The following ABHD12 variants were observed in gnomAD, a reference collection of about 807,000 sequenced individuals.
ABHD12 encodes lysophosphatidylserine lipase ABHD12.
ABHD12 carries 43 observed loss-of-function variants against 58.3 expected under a neutral mutation model. The ratio of observed to expected loss-of-function variants is 0.74; its 90% confidence interval spans 0.58 to 0.95. The LOEUF is 0.95. Ranked by LOEUF, ABHD12 falls within the 40% of genes least tolerant of loss-of-function variation. The pLI is 0.00. For synonymous variants in ABHD12, 219 were observed against 211.2 expected, an observed-to-expected ratio of 1.04 and a Z score of -0.32; for missense variants, 539 against 537.2, an observed-to-expected ratio of 1.00 and a Z score of -0.03.
chr20:25,341,395 C>T (rs1183005156), intron 1 of ABHD12, among the ~76,000 whole-genome samples: 2 of 152,214 alleles, frequency 1.3e-5, no homozygotes, highest in African/African-American at 4.8e-5. Context: ...AAAATGTCAT[C>T]TTAAACGCCA....
chr20:25,339,871 G>C (rs1424174914), intron 1 of ABHD12: 3 of 840,126 alleles, frequency 3.6e-6, no homozygotes, highest in South Asian at 3.8e-5. Flanking sequence ...GGCACGGTGT[G>C]TCCTTGCATT....
intron 1 of ABHD12, among the ~76,000 whole-genome samples, chr20:25,371,407 C>A (rs1328885692): frequency 2.0e-5 from 3 of 152,194 alleles, no homozygotes; most frequent in Non-Finnish European, 1.5e-5. Flanking sequence ...AACCAAAACA[C>A]CTGGTTATAA....
chr20:25,340,319 T>A (rs1600824714), intron 1 of ABHD12, among the ~76,000 whole-genome samples: 1 of 150,538 alleles, frequency 6.6e-6, no homozygotes, highest in Non-Finnish European at 1.5e-5. Context: ...AGAAAAAAAA[T>A]TTTAGTGAGG....
intron 3 of ABHD12, among the ~76,000 whole-genome samples, chr20:25,320,676 GC>G (rs1469048547): frequency 6.6e-6 from 1 of 152,216 alleles, no homozygotes; most frequent in Non-Finnish European, 1.5e-5. Context: ...CCTCATACGT[GC>G]CCCACATCCC....
intron 1 of ABHD12, among the ~76,000 whole-genome samples, chr20:25,384,702 A>G (rs144667741): frequency 2.4e-3 from 368 of 152,310 alleles, no homozygotes; most frequent in Middle Eastern, 0.01. Flanking sequence ...CCATGACTGC[A>G]CTGCAGCACT....
At chr20:25,381,345 T>C (rs550361691) in intron 1 of ABHD12, among the ~76,000 whole-genome samples, 120 of 152,284 alleles carry the variant, frequency 7.9e-4, no homozygotes, top group Non-Finnish European at 1.5e-3. Context: ...CTGCCTCCCC[T>C]ACCAGAATGT....
chr20:25,363,343 C>T (rs915527001), intron 1 of ABHD12, among the ~76,000 whole-genome samples: 13 of 151,656 alleles, frequency 8.6e-5, no homozygotes, highest in African/African-American at 2.9e-4. Flanking sequence ...CTCAGCCTCC[C>T]GAGTAGCTGG....
At chr20:25,386,874 C>T (rs540567763) in intron 1 of ABHD12, among the ~76,000 whole-genome samples, 1 of 151,932 alleles carries the variant, frequency 6.6e-6, no homozygotes, top group Non-Finnish European at 1.5e-5. Context: ...GAGTGAAACC[C>T]CGCCTCAAAA....
chr20:25,390,476 GGCCCCCCCCC>G (rs2090157913), intron 1 of ABHD12, 27 bp downstream of exon 1: 8 of 1,031,684 alleles, frequency 7.8e-6, no homozygotes, highest in Non-Finnish European at 9.9e-6. Context: ...GTGAGGGACC[GGCCCCCCCCC>G]CCCCCCCGCT....
chr20:25,298,388 C>A (rs1366572673), downstream of ABHD12, among the ~76,000 whole-genome samples: 3 of 152,204 alleles, frequency 2.0e-5, no homozygotes, highest in Non-Finnish European at 4.4e-5. Context: ...GCCTCAGCCT[C>A]CCGAGTAGCT....
intron 12 of ABHD12, 133 bp from the exon 13 acceptor site, chr20:25,301,017 G>A (rs1456886687): frequency 1.5e-5 from 14 of 924,490 alleles, no homozygotes; most frequent in Middle Eastern, 2.1e-4. Context: ...ATGAGGATGC[G>A]CTGTAGCCCA....
intron 2 of ABHD12, among the ~76,000 whole-genome samples, chr20:25,329,250 G>A (rs2089227448): frequency 6.6e-6 from 1 of 152,224 alleles, no homozygotes; most frequent in Non-Finnish European, 1.5e-5. Flanking sequence ...CCACAGGAGT[G>A]GCCTGGGCGG....
At position 25,378,803 on chromosome 20, in the gene ABHD12, C is replaced by G. The variant is rs572857779; in HGVS notation, c.191+11710G>C. On this transcript the variant is annotated intron_variant, in intron 1 of 12. Transcript: ENST00000339157. ...AGGTATGCGTGTATTCCCTCACTGA[C>G]AGCCGTGTCCACGTTCACCTTTACA... Among the ~76,000 whole-genome samples the G allele has an allele frequency of 4.0e-5, 6 of 151,680 alleles. No individual in the cohort carries two copies. In the East Asian group the frequency reaches 1.2e-3, roughly 30 times the overall value.
intron 1 of ABHD12, among the ~76,000 whole-genome samples, chr20:25,348,318 T>A (rs1043634846): frequency 6.6e-6 from 1 of 151,850 alleles, no homozygotes; most frequent in African/African-American, 2.4e-5. Flanking sequence ...AAAGAGAATA[T>A]GAATATACAA....
chr20:25,384,239 A>G (rs2090059406), intron 1 of ABHD12, among the ~76,000 whole-genome samples: 1 of 151,722 alleles, frequency 6.6e-6, no homozygotes, highest in Non-Finnish European at 1.5e-5. Flanking sequence ...CCTCGTCTCA[A>G]GGAGTACAGA....
At chr20:25,295,930 C>A (rs1471517018), downstream of ABHD12, among the ~76,000 whole-genome samples, 1 of 152,212 alleles carries the variant, frequency 6.6e-6, no homozygotes, top group African/African-American at 2.4e-5. Flanking sequence ...GGGCAGGGCC[C>A]TGGGAGGGAC....
rs187327455 is a variant in ABHD12 at position 25,379,296 on chromosome 20, G to A, written c.191+11217C>T. Among the ~76,000 whole-genome samples, 211 of 152,326 alleles carry A rather than the reference G, an allele frequency of 1.4e-3. 1 individual carries two copies. The highest frequency in any genetic ancestry group is 4.2e-3 in the African/African-American group (175 of 41,558). On this transcript the variant is annotated intron_variant, in intron 1 of 12. Transcript: ENST00000339157. ...TAAAAACATTAAATGTCAGAAAGAC[G>A]ATATGAGAGCTCAGACTGCGCCCAC...
chr20:25,361,761 C>A (rs2089751301), intron 1 of ABHD12, among the ~76,000 whole-genome samples: 1 of 151,672 alleles, frequency 6.6e-6, no homozygotes, highest in South Asian at 2.1e-4. Context: ...CGAGACCATT[C>A]TGGCTAACAC....
intron 6 of ABHD12, among the ~76,000 whole-genome samples, chr20:25,311,300 A>G (rs1361707110): frequency 6.6e-6 from 1 of 152,292 alleles, no homozygotes; most frequent in East Asian, 1.9e-4. Context: ...AGAAAAAGGG[A>G]GAGGAGTCAG....
Sources: gnomAD v4.1 joint callset for allele counts (sites outside exome capture counted in the v4.1 genomes callset) on GRCh38, gnomAD v4.1.1 for gene constraint, MANE v1.5 for transcripts, NCBI Gene and HGNC (gene_info 2026-07-23, HGNC 2026-07-21) for gene names.